The following DYNC1H1 variants were observed in gnomAD, a reference collection of about 807,000 sequenced individuals.
DYNC1H1 encodes the protein cytoplasmic dynein 1 heavy chain 1.
Under a neutral mutation model 527.1 loss-of-function variants are expected in DYNC1H1, and 51 were observed. The observed-to-expected ratio is 0.10, with a 90% CI of 0.08 to 0.12. The LOEUF (loss-of-function observed/expected upper bound fraction) is 0.12. Among genes scored for constraint, DYNC1H1 ranks in the 10% least tolerant of loss-of-function variants. DYNC1H1 has a pLI of 1.00. For synonymous variants in DYNC1H1, 2,189 were observed against 2,278.8 expected, an observed-to-expected ratio of 0.96 and a Z score of 1.12; for missense variants, 2,771 against 5,971.8, an observed-to-expected ratio of 0.46 and a Z score of 17.66.
intron 12 of DYNC1H1, 104 bp from the exon 13 acceptor site, chr14:101,994,569 G>T: frequency 6.8e-7 from 1 of 1,467,432 alleles, no homozygotes; most frequent in Non-Finnish European, 9.4e-7. Context: ...CTCTAATAGT[G>T]GTGAAAGACA....
At chr14:102,014,173 C>T (rs1327381336) in intron 34 of DYNC1H1, among the ~76,000 whole-genome samples, 1 of 152,158 alleles carries the variant, frequency 6.6e-6, no homozygotes, top group Non-Finnish European at 1.5e-5. Flanking sequence ...TGGAGTCCGA[C>T]CACCTGCTTT....
rs537629716 is a variant in DYNC1H1, at chr14:102,041,032, G to A, written c.11941+359G>A. 6.6e-5 allele frequency: 25 copies of A among 379,654 alleles called. No individual in the cohort carries two copies. The highest frequency in any genetic ancestry group is 3.8e-4 in the East Asian group (6 of 15,770). 23.5% of individuals were successfully genotyped at this position (379,654 alleles called of 1,614,324 possible). A position where few individuals can be genotyped will look rare whatever the true frequency, so the allele number is the denominator to read the frequency against. The stretch of plus-strand genomic sequence containing the variant: ...TTTAAGGAAACCACTTAGGGAGATC[G>A]CTTCTAGGTAGGTGTTGGCTTAGAA... On this transcript the variant is annotated intron_variant, in intron 64 of 77. Coordinates refer to ENST00000360184, the MANE Select transcript of DYNC1H1 (RefSeq NM_001376.5). The surrounding 1 kb of genome is among the most constrained non-coding windows in gnomAD (Gnocchi z 4.5).
Position 101,965,750 on chromosome 14 carries a change from A to G in DYNC1H1, c.256+803A>G, listed in dbSNP as rs912176568. ...TGCTTGTTTTCACTGATCATACCTC[A>G]TATTTGTTTAATGCTTCGATGATGT... On this transcript the variant is annotated intron_variant, in intron 1 of 77. Coordinates refer to ENST00000360184, the MANE Select transcript of DYNC1H1 (RefSeq NM_001376.5). This position sits in a 1 kb window ranked among gnomAD's most constrained non-coding sequence, Gnocchi z 4.1. Among the ~76,000 whole-genome samples, 12 of 151,308 alleles carry G rather than the reference A, an allele frequency of 7.9e-5. No homozygotes were observed. Among genetic ancestry groups the G allele is most frequent in the Non-Finnish European group, 1.6e-4 (11 of 67,916 alleles).
Position 101,979,328 on chromosome 14 carries a change from C to T in DYNC1H1, c.354C>T (p.Phe118=). The T allele has an allele frequency of 6.2e-7, 1 of 1,614,096 alleles. No individual in the cohort carries two copies. The highest frequency in any genetic ancestry group is 8.5e-7 in the Non-Finnish European group (1 of 1,180,010). ...HYGVKSNSLA[F]IKRTPVIDAD... is the part of the protein sequence containing the mutation. Reference sequence around the variant, plus strand: ...TTATTTTTCTTTTTAGCTTGGCATTCATTAAACGTACTCCCGTGATTGATG... The same window carrying T: ...TTATTTTTCTTTTTAGCTTGGCATTTATTAAACGTACTCCCGTGATTGATG... The change falls in exon 3 of 78, where the codon TTC becomes TTT. Residue 118 remains phenylalanine, a synonymous_variant. Coordinates refer to ENST00000360184, the MANE Select transcript of DYNC1H1 (RefSeq NM_001376.5). The surrounding 1 kb of genome is among the most constrained non-coding windows in gnomAD (Gnocchi z 4.6).
intron 44 of DYNC1H1, 140 bp downstream of exon 44, chr14:102,026,847 T>C: frequency 7.8e-7 from 1 of 1,277,944 alleles, no homozygotes; most frequent in Non-Finnish European, 1.1e-6. Flanking sequence ...CCCCTTCTCT[T>C]CTTTCTAAGT....
At chr14:101,991,982 A>C (rs1243594628) in intron 11 of DYNC1H1, among the ~76,000 whole-genome samples, 1 of 142,432 alleles carries the variant, frequency 7.0e-6, no homozygotes, top group Non-Finnish European at 1.5e-5. Context: ...TAAAACATAC[A>C]CAAAAGTTGA....
Position 102,038,801 on chromosome 14 carries a change from A to G in DYNC1H1, c.11159A>G (p.Glu3720Gly). 1 of 1,614,206 alleles carries G rather than the reference A, an allele frequency of 6.2e-7. No individual in the cohort carries two copies. The highest frequency in any genetic ancestry group is 8.5e-7 in the Non-Finnish European group (1 of 1,180,040). ...TGTCTAAATGAAGTACTTAAAGCAG[A>G]AAGACCTGATGTGGACGAGAAACGA... ...SQCLNEVLKA[E>G]RPDVDEKRSD... The change falls in exon 59 of 78, where the codon GAA (glutamate) becomes GGA (glycine). Residue 3720 changes from glutamate to glycine, a missense_variant. Coordinates refer to ENST00000360184, the MANE Select transcript of DYNC1H1 (RefSeq NM_001376.5). The surrounding 1 kb of genome is among the most constrained non-coding windows in gnomAD (Gnocchi z 7.2).
At position 102,010,165 on chromosome 14, in the gene DYNC1H1, G is replaced by A; in HGVS notation, c.6221+79G>A. On this transcript the variant is annotated intron_variant, in intron 30 of 77. Transcript: ENST00000360184. This position sits in a 1 kb window ranked among gnomAD's most constrained non-coding sequence, Gnocchi z 6.0. Reference sequence around the variant, plus strand: ...CCATTTAACCTTAAAATTTTTATATGTAATGATGGTACGTCTTTCAAAATA... The same window carrying A: ...CCATTTAACCTTAAAATTTTTATATATAATGATGGTACGTCTTTCAAAATA... The A allele has an allele frequency of 6.2e-7, 1 of 1,612,150 alleles. No homozygotes were observed. The highest frequency in any genetic ancestry group is 8.5e-7 in the Non-Finnish European group (1 of 1,179,172).
rs111459275 is a variant in DYNC1H1 at position 102,016,032 on chromosome 14, C to T, written c.7419C>T (p.Asn2473=). Residue 2473 remains asparagine, a synonymous_variant, in exon 36 of 78, where the codon AAC becomes AAT. Coordinates refer to ENST00000360184, the MANE Select transcript of DYNC1H1 (RefSeq NM_001376.5). This position sits in a 1 kb window ranked among gnomAD's most constrained non-coding sequence, Gnocchi z 7.3. ...HQACRNVAQY[N]ANHPDFPMQI... ...CCTGCCGCAACGTGGCGCAGTATAA[C>T]GCCAACCATCCCGACTTCCCCATGC... is the stretch of plus-strand genomic sequence containing the variant. The T allele has an allele frequency of 1.3e-4, 209 of 1,613,576 alleles. No homozygotes were observed. The African/African-American group carries it at 2.2e-3, about 17-fold the overall frequency.
At chr14:101,974,383 G>C (rs989339189) in intron 1 of DYNC1H1, among the ~76,000 whole-genome samples, 3 of 152,192 alleles carry the variant, frequency 2.0e-5, no homozygotes, top group African/African-American at 7.2e-5. Flanking sequence ...GCAGGCATGC[G>C]CCATCACGCC....
At chr14:102,014,674 A>G (rs1385396189) in intron 34 of DYNC1H1, among the ~76,000 whole-genome samples, 1 of 152,214 alleles carries the variant, frequency 6.6e-6, no homozygotes, top group Admixed American at 6.5e-5. Flanking sequence ...TGTGCCCTCA[A>G]GAACAGTGGG....
intron 42 of DYNC1H1, among the ~76,000 whole-genome samples, 168 bp from the exon 43 acceptor site, chr14:102,022,583 T>A (rs1243144299): frequency 1.3e-5 from 2 of 152,134 alleles, no homozygotes; most frequent in Non-Finnish European, 2.9e-5. Flanking sequence ...TTGCCTAAGC[T>A]GTCATGAGTT....
chr14:102,043,568 G>C, intron 69 of DYNC1H1: 1 of 412,720 alleles, frequency 2.4e-6, no homozygotes, highest in South Asian at 2.1e-5. Flanking sequence ...GGGGATTGTG[G>C]CAGGGGTTTC....
rs2047896402 is a variant in DYNC1H1, at chr14:101,983,831, C to T, written c.1461+222C>T. On this transcript the variant is annotated intron_variant, in intron 7 of 77. Coordinates refer to ENST00000360184, the MANE Select transcript of DYNC1H1 (RefSeq NM_001376.5). The surrounding 1 kb of genome is among the most constrained non-coding windows in gnomAD (Gnocchi z 5.3). ...TAGCTGGGATTACAGGTGCCTGCCA[C>T]CACGCCCGGCTAATTGTTTATATTT... Among the ~76,000 whole-genome samples, 1 of 152,032 alleles carries T rather than the reference C, an allele frequency of 6.6e-6. No individual in the cohort carries two copies. The highest frequency in any genetic ancestry group is 1.9e-4 in the East Asian group (1 of 5,196).
chr14:102,048,446 TTC>T, intron 73 of DYNC1H1, 68 bp from the exon 74 acceptor site: 1 of 1,606,590 alleles, frequency 6.2e-7, no homozygotes, highest in Non-Finnish European at 8.5e-7. Context: ...GCCGAGTTAC[TTC>T]TGTTTGACCT....
At position 102,010,407 on chromosome 14, in the gene DYNC1H1, G is replaced by A. The variant is rs1060502207; in HGVS notation, c.6353G>A (p.Arg2118Gln). The change falls in exon 31 of 78, where the codon CGA becomes CAA. Residue 2118 changes from arginine to glutamine, a missense_variant. Transcript: ENST00000360184. The surrounding 1 kb of genome is among the most constrained non-coding windows in gnomAD (Gnocchi z 6.0). ...AAGATAAAGAGGGAGAAAGAGGAACGAGGGGAAGCAGTTGATGAAGGAGAA... is the reference window on the plus strand; with the variant it reads ...AAGATAAAGAGGGAGAAAGAGGAACAAGGGGAAGCAGTTGATGAAGGAGAA... The part of the protein sequence containing the change: ...IQKIKREKEE[R>Q]GEAVDEGEIA... The A allele has an allele frequency of 6.2e-7, 1 of 1,614,190 alleles. No homozygotes were observed.
Position 102,020,330 on chromosome 14 carries a change from G to C in DYNC1H1, c.8507+274G>C, listed in dbSNP as rs529348029. ...TCATAAACCTTGTGGCTGTGAACAG[G>C]GTACTTTTTTTTTTAAAGATACATC... is the stretch of plus-strand genomic sequence containing the variant. On this transcript the variant is annotated intron_variant, in intron 42 of 77. Transcript: ENST00000360184. The surrounding 1 kb of genome is among the most constrained non-coding windows in gnomAD (Gnocchi z 4.3). 1.3e-5 allele frequency among the ~76,000 whole-genome samples: 2 copies of C among 152,100 alleles called. No individual in the cohort carries two copies. The highest frequency in any genetic ancestry group is 2.9e-5 in the Non-Finnish European group (2 of 68,016).
Position 102,033,034 on chromosome 14 carries a change from T to C in DYNC1H1, c.10080-31T>C, listed in dbSNP as rs749669911. Reference sequence around the variant, plus strand: ...AACTCTTCCTTGCTTTTGTCCTGCATGTGTTTAGAAATATCATTCGTCTTT... The same window carrying C: ...AACTCTTCCTTGCTTTTGTCCTGCACGTGTTTAGAAATATCATTCGTCTTT... On this transcript the variant is annotated intron_variant, in intron 52 of 77. Transcript: ENST00000360184. This position sits in a 1 kb window ranked among gnomAD's most constrained non-coding sequence, Gnocchi z 5.6. 10 of 1,595,064 alleles carry C rather than the reference T, an allele frequency of 6.3e-6. No homozygotes were observed. Among genetic ancestry groups the C allele is most frequent in the Non-Finnish European group, 5.2e-6 (6 of 1,162,834 alleles).
chr14:101,999,818 C>T (rs2048109545), intron 16 of DYNC1H1, among the ~76,000 whole-genome samples, 171 bp from the exon 17 acceptor site: 1 of 152,218 alleles, frequency 6.6e-6, no homozygotes, highest in African/African-American at 2.4e-5. Flanking sequence ...AAATTCGCTA[C>T]TGTACACACA....
Sources: gnomAD v4.1 joint callset for allele counts (sites outside exome capture counted in the v4.1 genomes callset) on GRCh38, gnomAD v4.1.1 for gene constraint, Gnocchi (gnomAD v3.1) non-coding constraint, MANE v1.5 for transcripts, NCBI Gene and HGNC (gene_info 2026-07-23, HGNC 2026-07-21) for gene names.